Variants in MYO5B observed in about 807,000 individuals in gnomAD.
MYO5B encodes unconventional myosin-Vb.
MYO5B carries 143 observed loss-of-function variants against 229.3 expected under a neutral mutation model. The observed-to-expected ratio is 0.62, with a 90% confidence interval of 0.54 to 0.72. The LOEUF (loss-of-function observed/expected upper bound fraction) is 0.72. Among genes scored for constraint, MYO5B ranks in the 30% least tolerant of loss-of-function variants. The pLI, the probability that MYO5B is intolerant of heterozygous loss-of-function variation, is 0.00. For synonymous variants in MYO5B, 918 were observed against 885.2 expected (o/e 1.04, Z -0.66); for missense variants, 2,321 against 2,331.0 (o/e 1.00, Z 0.09).
chr18:50,087,499 G>C (rs984123382), intron 1 of MYO5B, among the ~76,000 whole-genome samples: 3 of 151,148 alleles, frequency 2.0e-5, no homozygotes, highest in African/African-American at 7.3e-5. Flanking sequence ...CTTGAACCTG[G>C]GAAGTGGAGG....
At chr18:50,158,894 A>C (rs1192460685) in intron 1 of MYO5B, among the ~76,000 whole-genome samples, 1 of 152,166 alleles carries the variant, frequency 6.6e-6, no homozygotes, top group Non-Finnish European at 1.5e-5. Context: ...GATTACCATG[A>C]AGTCCTCTAG....
intron 1 of MYO5B, among the ~76,000 whole-genome samples, chr18:50,086,319 C>T (rs906860087): frequency 6.6e-6 from 1 of 152,098 alleles, no homozygotes; most frequent in Non-Finnish European, 1.5e-5. Context: ...TGTCTGTGTA[C>T]CATGACTAGA....
At chr18:49,990,590 C>T (rs2025920286) in intron 6 of MYO5B, 70 bp from the exon 7 acceptor site, 3 of 1,331,900 alleles carry the variant, frequency 2.3e-6, no homozygotes. Flanking sequence ...CCACTGTAAT[C>T]CCAGGGTGCT....
At chr18:50,063,029 G>A (rs1217038649) in intron 1 of MYO5B, among the ~76,000 whole-genome samples, 1 of 152,144 alleles carries the variant, frequency 6.6e-6, no homozygotes, top group Non-Finnish European at 1.5e-5. Flanking sequence ...CACATTTTAA[G>A]TGCTTAGTAG....
intron 23 of MYO5B, among the ~76,000 whole-genome samples, chr18:49,880,131 T>A (rs1464976526): frequency 1.3e-5 from 2 of 152,206 alleles, no homozygotes; most frequent in Non-Finnish European, 2.9e-5. Flanking sequence ...AGTGCGGGCC[T>A]CCCTGACTCC....
At chr18:49,858,086 A>G (rs917162680) in intron 29 of MYO5B, among the ~76,000 whole-genome samples, 1 of 152,162 alleles carries the variant, frequency 6.6e-6, no homozygotes, top group African/African-American at 2.4e-5. Context: ...GCCCCCCACC[A>G]TCTGAAGGGA....
rs200856386 is a variant in MYO5B at position 49,912,142 on chromosome 18, G to A, written c.2122C>T (p.Arg708Trp). 2.0e-5 allele frequency: 33 copies of A among 1,613,968 alleles called. No homozygotes were observed. The highest frequency in any genetic ancestry group is 1.6e-4 in the East Asian group (7 of 44,868). The change falls in exon 18 of 40, where the codon CGG (arginine) becomes TGG (tryptophan). Residue 708 changes from arginine to tryptophan, a missense_variant. Arg to Trp is a moderately radical substitution (Grantham distance 101, BLOSUM62 -3). Transcript: ENST00000285039. ...WAYHDFFNRY[R>W]VLVKKRELAN... is the part of the protein sequence containing the mutation. ...AGCTCTCTCTTCTTGACCAGCACCC[G>A]ATACCGGTTGAAAAAGTCATGGTAG...
chr18:49,912,482 C>T (rs571355452), intron 17 of MYO5B, among the ~76,000 whole-genome samples: 7 of 152,282 alleles, frequency 4.6e-5, no homozygotes, highest in Non-Finnish European at 8.8e-5. Context: ...CAAATCTCAT[C>T]GTGAATTGTA....
At chr18:49,896,953 G>A (rs1301084325) in intron 21 of MYO5B, among the ~76,000 whole-genome samples, 1 of 152,178 alleles carries the variant, frequency 6.6e-6, no homozygotes, top group African/African-American at 2.4e-5. Flanking sequence ...CTGCCTCAGA[G>A]GGTGGTTATC....
chr18:49,965,441 A>T (rs570063801), intron 10 of MYO5B, among the ~76,000 whole-genome samples: 2 of 136,030 alleles, frequency 1.5e-5, no homozygotes, highest in Non-Finnish European at 3.1e-5. Flanking sequence ...CTTTTCATAC[A>T]AACACACTTC....
chr18:49,896,356 T>C (rs1006261316), intron 21 of MYO5B, among the ~76,000 whole-genome samples: 3 of 152,170 alleles, frequency 2.0e-5, no homozygotes, highest in African/African-American at 7.2e-5. Flanking sequence ...AGCCTTGATC[T>C]AAGGCATCAC....
At chr18:50,112,780 A>C (rs2031889717) in intron 1 of MYO5B, among the ~76,000 whole-genome samples, 1 of 152,234 alleles carries the variant, frequency 6.6e-6, no homozygotes, top group Non-Finnish European at 1.5e-5. Context: ...CCCTATTGTC[A>C]AAATGTTTGT....
chr18:49,928,851 G>A (rs570897715), intron 17 of MYO5B, among the ~76,000 whole-genome samples: 21 of 152,286 alleles, frequency 1.4e-4, no homozygotes, highest in African/African-American at 5.1e-4. Context: ...ATTATTCTAA[G>A]TGAAGTAACT....
At chr18:50,077,592 T>C (rs1338007382) in intron 1 of MYO5B, among the ~76,000 whole-genome samples, 1 of 151,708 alleles carries the variant, frequency 6.6e-6, no homozygotes, top group Non-Finnish European at 1.5e-5. Context: ...CATCTCCCAC[T>C]CATCTCCTAT....
chr18:49,864,263 T>G lies in MYO5B; in HGVS notation c.3721A>C (p.Ser1241Arg). The change falls in exon 28 of 40, where the codon AGC becomes CGC. Residue 1241 changes from serine to arginine, a missense_variant. Around this residue, in one of 2 missense-constraint regions of MYO5B, gnomAD observed 2,113 missense variants for 2,044.7 expected, o/e 1.03. Coordinates refer to ENST00000285039, the MANE Select transcript of MYO5B (RefSeq NM_001080467.3). ...NSSHGSPDSY[S>R]LLLNQLKLAH... ...AGCTTGAGCTGGTTCAGCAGGAGGC[T>G]GTAGCTATCTGGGGAGCCGTGGCTG... 2 of 1,614,200 alleles carry G rather than the reference T, an allele frequency of 1.2e-6. No homozygotes were observed. Among genetic ancestry groups the G allele is most frequent in the Non-Finnish European group, 1.7e-6 (2 of 1,180,044 alleles).
chr18:50,194,979 T>C lies in MYO5B; in HGVS notation c.-186A>G, dbSNP rs1303565827. ...CCGGCTCGCTCCCGGCGGCGCGACC[T>C]TTACTCCCGCCGCGGCGGCGCAGCT... On this transcript the variant is annotated 5_prime_UTR_variant, in exon 1 of 40. Transcript: ENST00000285039. 1.4e-5 allele frequency: 11 copies of C among 814,572 alleles called. No homozygotes were observed. Among genetic ancestry groups the C allele is most frequent in the African/African-American group, 3.6e-5 (2 of 55,420 alleles). 50.5% of individuals were successfully genotyped at this position (814,572 alleles called of 1,614,324 possible). A position where few individuals can be genotyped will look rare whatever the true frequency, so the allele number is the denominator to read the frequency against.
intron 1 of MYO5B, among the ~76,000 whole-genome samples, chr18:50,164,715 A>G (rs1165338990): frequency 2.0e-5 from 3 of 152,180 alleles, no homozygotes; most frequent in African/African-American, 2.4e-5. Context: ...CCCTGCATAC[A>G]TTAGCTATTT....
At chr18:49,857,312 G>C (rs2024274159) in intron 29 of MYO5B, among the ~76,000 whole-genome samples, 1 of 152,216 alleles carries the variant, frequency 6.6e-6, no homozygotes, top group Non-Finnish European at 1.5e-5. Flanking sequence ...AGATGCAAAA[G>C]GGGCTGGGAG....
rs1446688267 is a variant in MYO5B at position 50,158,334 on chromosome 18, A to AC, written c.27+36432dup. Among the ~76,000 whole-genome samples, 25 of 152,246 alleles carry AC rather than the reference A, an allele frequency of 1.6e-4. 1 individual carries two copies. Among genetic ancestry groups the AC allele is most frequent in the Non-Finnish European group, 7.4e-5 (5 of 68,020 alleles). On this transcript the variant is annotated intron_variant, in intron 1 of 39. Transcript: ENST00000285039. ...CATGGATGCTGCCAAGGACCTCAGAACCCCTAACCAACGCCACTCTTTCAT... is the reference window on the plus strand; with the variant it reads ...CATGGATGCTGCCAAGGACCTCAGAACCCCCTAACCAACGCCACTCTTTCAT...
Sources: allele counts gnomAD v4.1 joint callset (sites outside exome capture counted in the v4.1 genomes callset), GRCh38; gene constraint gnomAD v4.1.1; regional missense constraint gnomAD v4.1.1; transcripts MANE v1.5; gene names NCBI Gene and HGNC (gene_info 2026-07-23, HGNC 2026-07-21).